Variants in SCD5 observed in about 807,000 individuals in gnomAD.
The protein encoded by SCD5 is stearoyl-CoA desaturase 5, also known as acyl-CoA-desaturase 4.
In SCD5, 20 loss-of-function variants were observed where a neutral mutation model predicts 30.4. The observed-to-expected ratio is 0.66, with a 90% CI of 0.46 to 0.96. The LOEUF (loss-of-function observed/expected upper bound fraction) is 0.96, where lower values mean the gene tolerates loss of function less well. Among genes scored for constraint, SCD5 ranks in the 40% least tolerant of loss-of-function variants. SCD5 has a pLI of 0.00. For synonymous variants in SCD5, 173 were observed against 176.4 expected (o/e 0.98, Z 0.16); for missense variants, 381 against 443.3 (o/e 0.86, Z 1.26).
chr4:82,631,657 C>T lies in SCD5; in HGVS notation c.803-140G>A, dbSNP rs557833953. On this transcript the variant is annotated intron_variant, in intron 4 of 4. Transcript: ENST00000319540. The stretch of plus-strand genomic sequence containing the variant: ...GAGGAGCAAAAGACTTGGTTACTGA[C>T]TCCAAAGGCATTGACTTAGTTAGCT... 1,004 of 731,672 alleles carry T rather than the reference C, an allele frequency of 1.4e-3. 21 individuals carry two copies. In the South Asian group the frequency reaches 0.018, roughly 13 times the overall value. 45.3% of individuals were successfully genotyped at this position (731,672 alleles called of 1,614,324 possible).
At chr4:82,784,269 T>C (rs1389796416) in intron 1 of SCD5, among the ~76,000 whole-genome samples, 2 of 152,186 alleles carry the variant, frequency 1.3e-5, no homozygotes, top group African/African-American at 4.8e-5. Context: ...AAATTACCTA[T>C]ACAACGCTTC....
At chr4:82,794,483 C>G in intron 1 of SCD5, among the ~76,000 whole-genome samples, 1 of 152,206 alleles carries the variant, frequency 6.6e-6, no homozygotes, top group East Asian at 1.9e-4. Context: ...CCCCAGGACT[C>G]ACACGTCCAC....
intron 1 of SCD5, among the ~76,000 whole-genome samples, chr4:82,712,746 CAT>C (rs1720139150): frequency 6.6e-6 from 1 of 152,224 alleles, no homozygotes; most frequent in Admixed American, 6.5e-5. Context: ...TGCATGCGCA[CAT>C]GTGTGTGTGT....
intron 1 of SCD5, among the ~76,000 whole-genome samples, chr4:82,765,132 T>A (rs965686701): frequency 6.6e-6 from 1 of 152,256 alleles, no homozygotes; most frequent in Admixed American, 6.5e-5. Flanking sequence ...TTGGTAGATT[T>A]TTCTTTTAAT....
At position 82,668,982 on chromosome 4, in the gene SCD5, A is replaced by G. The variant is rs189913699; in HGVS notation, c.569+11725T>C. On this transcript the variant is annotated intron_variant, in intron 3 of 4. Coordinates refer to ENST00000319540, the MANE Select transcript of SCD5 (RefSeq NM_001037582.3). ...TCAACCGCACTAACATCTAGGGAGG[A>G]ATTGTTCTATTAACTTAGCAACAGG... 1.3e-3 allele frequency among the ~76,000 whole-genome samples: 205 copies of G among 152,328 alleles called. 3 individuals carry two copies. Among genetic ancestry groups the G allele is most frequent in the Middle Eastern group, 6.8e-3 (2 of 294 alleles).
chr4:82,694,890 C>T (rs570619527), intron 2 of SCD5, among the ~76,000 whole-genome samples: 1 of 152,100 alleles, frequency 6.6e-6, no homozygotes, highest in African/African-American at 2.4e-5. Flanking sequence ...TAACTGTAAT[C>T]GTAAGTATAG....
intron 1 of SCD5, among the ~76,000 whole-genome samples, chr4:82,763,510 CA>C (rs1335077339): frequency 2.0e-5 from 3 of 151,456 alleles, no homozygotes; most frequent in Admixed American, 2.0e-4. Context: ...GACTCTGTCT[CA>C]AAAAAAAGTG....
intron 1 of SCD5, among the ~76,000 whole-genome samples, chr4:82,729,354 C>T (rs961647200): frequency 1.3e-5 from 2 of 152,072 alleles, no homozygotes; most frequent in African/African-American, 4.8e-5. Context: ...GGGAGGCTGG[C>T]CTGGAGCTAG....
At chr4:82,733,164 G>A (rs758383664) in intron 1 of SCD5, among the ~76,000 whole-genome samples, 1 of 152,196 alleles carries the variant, frequency 6.6e-6, no homozygotes, top group Non-Finnish European at 1.5e-5. Flanking sequence ...TACTCACAGA[G>A]TAAATGACAG....
chr4:82,724,802 A>T (rs1720438183), intron 1 of SCD5, among the ~76,000 whole-genome samples: 1 of 152,204 alleles, frequency 6.6e-6, no homozygotes, highest in Admixed American at 6.5e-5. Context: ...TGTGCCTGTG[A>T]GCAGTGGGGC....
chr4:82,666,554 G>T (rs1001178968), intron 3 of SCD5, among the ~76,000 whole-genome samples: 7 of 152,064 alleles, frequency 4.6e-5, no homozygotes, highest in African/African-American at 1.7e-4. Context: ...AATGTCCAGT[G>T]TAGATTAAAA....
intron 3 of SCD5, among the ~76,000 whole-genome samples, chr4:82,676,568 T>C (rs1370850619): frequency 6.6e-6 from 1 of 152,218 alleles, no homozygotes; most frequent in Non-Finnish European, 1.5e-5. Flanking sequence ...GTATTTCCTG[T>C]TGGGAGAACA....
At chr4:82,677,547 G>A (rs1174441741) in intron 3 of SCD5, among the ~76,000 whole-genome samples, 2 of 152,216 alleles carry the variant, frequency 1.3e-5, no homozygotes, top group Non-Finnish European at 2.9e-5. Flanking sequence ...GGTAAAGCCA[G>A]CTTCACGAAC....
At chr4:82,708,445 G>T (rs149578183) in intron 1 of SCD5, among the ~76,000 whole-genome samples, 145 of 152,206 alleles carry the variant, frequency 9.5e-4, no homozygotes, top group African/African-American at 3.4e-3. Context: ...TCATAACTTG[G>T]ACCCTTGAAT....
intron 2 of SCD5, among the ~76,000 whole-genome samples, chr4:82,701,348 G>A (rs1338433123): frequency 2.0e-5 from 3 of 152,064 alleles, no homozygotes; most frequent in African/African-American, 7.2e-5. Context: ...TAAAAAGTAA[G>A]AAAAAGAGCA....
At chr4:82,759,799 T>A (rs1721317236) in intron 1 of SCD5, among the ~76,000 whole-genome samples, 1 of 152,134 alleles carries the variant, frequency 6.6e-6, no homozygotes, top group African/African-American at 2.4e-5. Flanking sequence ...TCCTAGAGAT[T>A]ATGAGTTACC....
At chr4:82,671,161 G>A (rs756327433) in intron 3 of SCD5, among the ~76,000 whole-genome samples, 10 of 152,132 alleles carry the variant, frequency 6.6e-5, no homozygotes, top group African/African-American at 1.4e-4. Flanking sequence ...ATTACGTAAC[G>A]ATATAGGGGT....
chr4:82,761,935 G>A (rs1721380631), intron 1 of SCD5, among the ~76,000 whole-genome samples: 1 of 152,026 alleles, frequency 6.6e-6, no homozygotes, highest in South Asian at 2.1e-4. Context: ...CACTTTGGGA[G>A]GCCAAGGAGG....
intron 2 of SCD5, among the ~76,000 whole-genome samples, chr4:82,697,388 T>C (rs1346006500): frequency 6.6e-6 from 1 of 152,234 alleles, no homozygotes; most frequent in Non-Finnish European, 1.5e-5. Flanking sequence ...ATATCCACTG[T>C]ACAAAGCAGG....
Sources: allele counts gnomAD v4.1 joint callset (sites outside exome capture counted in the v4.1 genomes callset), GRCh38; gene constraint gnomAD v4.1.1; transcripts MANE v1.5; gene names NCBI Gene and HGNC (gene_info 2026-07-23, HGNC 2026-07-21).